The following KCNJ6 variants were observed in gnomAD, a reference collection of about 807,000 sequenced individuals.
The protein encoded by KCNJ6 is G protein-activated inward rectifier potassium channel 2.
Under a neutral mutation model 34.2 loss-of-function variants are expected in KCNJ6, and 9 were observed. The observed-to-expected ratio is 0.26, with a 90% CI of 0.16 to 0.46. KCNJ6 has a LOEUF of 0.46. KCNJ6 is among the 20% of genes least tolerant of loss of function. KCNJ6 has a pLI of 1.00. For missense variants in KCNJ6, 236 were observed against 531.3 expected, an observed-to-expected ratio of 0.44 and a Z score of 5.46; for synonymous variants, 196 against 207.1, an observed-to-expected ratio of 0.95 and a Z score of 0.46.
intron 2 of KCNJ6, among the ~76,000 whole-genome samples, chr21:37,813,411 A>C (rs2055332167): frequency 6.6e-6 from 1 of 152,194 alleles, no homozygotes; most frequent in Non-Finnish European, 1.5e-5. Context: ...AAATTCTAAA[A>C]TGTATGTGGA....
chr21:37,661,614 G>GTTCTTTTTTT lies in KCNJ6; in HGVS notation c.947-36131_947-36130insAAAAAAAGAA, dbSNP rs766622814. 3.8e-3 allele frequency among the ~76,000 whole-genome samples: 269 copies of GTTCTTTTTTT among 71,200 alleles called. 62 individuals carry two copies. The highest frequency in any genetic ancestry group is 0.021 in the Middle Eastern group (2 of 96). 46.7% of individuals were successfully genotyped at this position (71,200 alleles called of 152,430 possible). A position where few individuals can be genotyped will look rare whatever the true frequency, so the allele number is the denominator to read the frequency against. On this transcript the variant is annotated intron_variant, in intron 3 of 3. Coordinates refer to ENST00000609713, the MANE Select transcript of KCNJ6 (RefSeq NM_002240.5). ...TCCACCCATTTCCTTAAGAGACATA[G>GTTCTTTTTTT]TTTTTTTTTTTTTTTTTTTTTTTTT...
intron 3 of KCNJ6, among the ~76,000 whole-genome samples, chr21:37,633,691 A>T (rs1433365712): frequency 6.6e-6 from 1 of 151,664 alleles, no homozygotes; most frequent in Non-Finnish European, 1.5e-5. Context: ...CATAACAGCA[A>T]CCCTTCACCA....
At chr21:37,873,925 C>A (rs938197359) in intron 1 of KCNJ6, among the ~76,000 whole-genome samples, 1 of 152,170 alleles carries the variant, frequency 6.6e-6, no homozygotes, top group Non-Finnish European at 1.5e-5. Flanking sequence ...TCCTTCCCAT[C>A]AGCTGTTACC....
At chr21:37,826,907 G>T (rs562992193) in intron 2 of KCNJ6, among the ~76,000 whole-genome samples, 25 of 152,198 alleles carry the variant, frequency 1.6e-4, no homozygotes, top group Admixed American at 6.5e-4. Context: ...TCCTTTTCAC[G>T]TCTTACTGAG....
At chr21:37,627,596 T>TG (rs1468212994) in intron 3 of KCNJ6, among the ~76,000 whole-genome samples, 1 of 152,098 alleles carries the variant, frequency 6.6e-6, no homozygotes, top group Admixed American at 6.6e-5. Flanking sequence ...TGATAACAGT[T>TG]GGGGAAAATA....
intron 3 of KCNJ6, among the ~76,000 whole-genome samples, chr21:37,704,046 G>A (rs1374046939): frequency 6.6e-6 from 1 of 152,202 alleles, no homozygotes. Flanking sequence ...CCCATCTGTT[G>A]TTGGCTTAAC....
chr21:37,885,777 T>G (rs1288101244), intron 1 of KCNJ6, among the ~76,000 whole-genome samples: 1 of 152,240 alleles, frequency 6.6e-6, no homozygotes, highest in Non-Finnish European at 1.5e-5. Flanking sequence ...GATTTCAGCC[T>G]TGGGCAAAGC....
intron 2 of KCNJ6, among the ~76,000 whole-genome samples, chr21:37,718,540 T>C (rs752526258): frequency 6.6e-6 from 1 of 152,154 alleles, no homozygotes; most frequent in Non-Finnish European, 1.5e-5. Context: ...AGAAATGTAA[T>C]GCAATGCTAC....
chr21:37,889,643 C>A (rs76385190), intron 1 of KCNJ6, among the ~76,000 whole-genome samples: 6,770 of 152,244 alleles, frequency 0.044, 504 homozygotes, highest in African/African-American at 0.15. Context: ...TGCAGGGCCA[C>A]ACTCCCTCTG....
intron 2 of KCNJ6, among the ~76,000 whole-genome samples, chr21:37,767,577 T>C (rs548969579): frequency 6.6e-6 from 1 of 152,192 alleles, no homozygotes; most frequent in African/African-American, 2.4e-5. Context: ...GGCAGGAAAG[T>C]GAGAAACCCA....
At chr21:37,752,753 G>A (rs1015390023) in intron 2 of KCNJ6, among the ~76,000 whole-genome samples, 1 of 152,132 alleles carries the variant, frequency 6.6e-6, no homozygotes. Context: ...CTGCAACCCT[G>A]AGGAGCCTCA....
At chr21:37,712,842 C>T (rs1041063065) in intron 3 of KCNJ6, among the ~76,000 whole-genome samples, 2 of 150,570 alleles carry the variant, frequency 1.3e-5, no homozygotes, top group African/African-American at 4.9e-5. Flanking sequence ...AAATGCACCC[C>T]CAAATCAGGC....
intron 2 of KCNJ6, among the ~76,000 whole-genome samples, chr21:37,757,659 A>AGCGT (rs2055037229): frequency 2.8e-5 from 4 of 142,658 alleles, no homozygotes; most frequent in Admixed American, 6.9e-5. Flanking sequence ...TCTCCCTCAC[A>AGCGT]GATTCCAGCC....
chr21:37,793,545 CAAAA>C (rs954872713), intron 2 of KCNJ6, among the ~76,000 whole-genome samples: 2 of 19,870 alleles, frequency 1.0e-4, no homozygotes, highest in Non-Finnish European at 2.2e-4. Flanking sequence ...GACTCCATCT[CAAAA>C]AAAAAAAAAA....
At chr21:37,804,192 T>C (rs1462470058) in intron 2 of KCNJ6, among the ~76,000 whole-genome samples, 1 of 152,114 alleles carries the variant, frequency 6.6e-6, no homozygotes, top group Non-Finnish European at 1.5e-5. Flanking sequence ...TAATAACAAG[T>C]GTTGACAAGG....
intron 3 of KCNJ6, among the ~76,000 whole-genome samples, chr21:37,659,259 G>A (rs924288882): frequency 2.6e-5 from 4 of 152,196 alleles, no homozygotes; most frequent in African/African-American, 9.7e-5. Flanking sequence ...GTCACTGTGA[G>A]GCTGCATTCC....
At position 37,756,728 on chromosome 21, in the gene KCNJ6, T is replaced by TC. The variant is rs2055028845; in HGVS notation, c.26-41598dup. Among the ~76,000 whole-genome samples the TC allele has an allele frequency of 2.3e-5, 3 of 129,850 alleles. 1 individual carries two copies. Among genetic ancestry groups the TC allele is most frequent in the South Asian group, 5.1e-4 (2 of 3,958 alleles). 85.2% of individuals were successfully genotyped at this position (129,850 alleles called of 152,430 possible). On this transcript the variant is annotated intron_variant, in intron 2 of 3. Coordinates refer to ENST00000609713, the MANE Select transcript of KCNJ6 (RefSeq NM_002240.5). Reference sequence around the variant, plus strand: ...CTGGAGTGAGCACTCCCTCACAGATTCAAGCCCGGAGTGAGCACTCCCTCA... The same window carrying TC: ...CTGGAGTGAGCACTCCCTCACAGATTCCAAGCCCGGAGTGAGCACTCCCTCA...
At chr21:37,902,700 C>T (rs1425589312) in intron 1 of KCNJ6, among the ~76,000 whole-genome samples, 2 of 152,134 alleles carry the variant, frequency 1.3e-5, no homozygotes, top group African/African-American at 2.4e-5. Flanking sequence ...AGGAAGGCAC[C>T]GGCCTACAGG....
At chr21:37,802,577 A>T (rs1390019084) in intron 2 of KCNJ6, among the ~76,000 whole-genome samples, 4 of 152,190 alleles carry the variant, frequency 2.6e-5, no homozygotes, top group Non-Finnish European at 4.4e-5. Flanking sequence ...TAGAAGTGAG[A>T]AGAGGCCAGA....
Sources: gnomAD v4.1 joint callset for allele counts (sites outside exome capture counted in the v4.1 genomes callset) on GRCh38, gnomAD v4.1.1 for gene constraint, MANE v1.5 for transcripts, NCBI Gene and HGNC (gene_info 2026-07-23, HGNC 2026-07-21) for gene names.